The following MAP2K1 variants were observed in gnomAD, a reference collection of about 807,000 sequenced individuals.
The protein encoded by MAP2K1 is dual specificity mitogen-activated protein kinase kinase 1.
Under a neutral mutation model 46.3 loss-of-function variants are expected in MAP2K1, and 16 were observed. The ratio of observed to expected loss-of-function variants is 0.35; its 90% CI spans 0.23 to 0.52. The LOEUF (loss-of-function observed/expected upper bound fraction) is 0.52, where lower values mean the gene tolerates loss of function less well. Among genes scored for constraint, MAP2K1 ranks in the 20% least tolerant of loss-of-function variants. MAP2K1 has a pLI of 0.94. For synonymous variants in MAP2K1, 183 were observed against 185.6 expected, an observed-to-expected ratio of 0.99 and a Z score of 0.11; for missense variants, 263 against 497.1, an observed-to-expected ratio of 0.53 and a Z score of 4.48.
intron 3 of MAP2K1, among the ~76,000 whole-genome samples, chr15:66,437,349 G>A (rs903436909): frequency 9.9e-5 from 15 of 152,228 alleles, no homozygotes; most frequent in Admixed American, 5.2e-4. Context: ...GGGCAATGGA[G>A]AGAGAGGGCA....
At chr15:66,482,893 G>T (rs377084528) in intron 6 of MAP2K1, among the ~76,000 whole-genome samples, 1 of 152,144 alleles carries the variant, frequency 6.6e-6, no homozygotes, top group Admixed American at 6.5e-5. Flanking sequence ...GCAGGCCCGC[G>T]TGGAGAGGGG....
chr15:66,487,965 T>C (rs940875967), intron 8 of MAP2K1, among the ~76,000 whole-genome samples: 2 of 152,312 alleles, frequency 1.3e-5, no homozygotes, highest in African/African-American at 4.8e-5. Context: ...ATTGCTGAGG[T>C]AGGCCAAATT....
intron 1 of MAP2K1, among the ~76,000 whole-genome samples, chr15:66,430,422 T>C (rs1157707394): frequency 6.6e-6 from 1 of 152,194 alleles, no homozygotes; most frequent in East Asian, 1.9e-4. Context: ...AGAGCAAGGC[T>C]CAGATTGGGT....
At chr15:66,401,352 T>G (rs1281704863) in intron 1 of MAP2K1, among the ~76,000 whole-genome samples, 1 of 152,214 alleles carries the variant, frequency 6.6e-6, no homozygotes, top group African/African-American at 2.4e-5. Flanking sequence ...TTTCAACTGT[T>G]TCCTCAAGCC....
chr15:66,490,796 T>A lies in MAP2K1; in HGVS notation c.*181T>A. The A allele has an allele frequency of 1.5e-6, 1 of 685,582 alleles. No individual in the cohort carries two copies. Among genetic ancestry groups the A allele is most frequent in the Middle Eastern group, 2.4e-4 (1 of 4,224 alleles). The allele number at this position is 685,582 out of a possible 1,614,324, so 42.5% of individuals were successfully genotyped here. ...TTTAATATTACTGTCTTTATTCTTA[T>A]TACTATTATTGTTCCCCTAAGTGGA... is the stretch of plus-strand genomic sequence containing the variant. On this transcript the variant is annotated 3_prime_UTR_variant, in exon 11 of 11. Transcript: ENST00000307102.
intron 1 of MAP2K1, among the ~76,000 whole-genome samples, chr15:66,403,607 CAA>C (rs1419211765): frequency 6.6e-5 from 10 of 152,058 alleles, no homozygotes; most frequent in Non-Finnish European, 1.2e-4. Flanking sequence ...ACTTTTCAGA[CAA>C]AGTGGAAATT....
intron 1 of MAP2K1, among the ~76,000 whole-genome samples, chr15:66,426,348 T>C (rs1432515541): frequency 1.7e-5 from 2 of 114,696 alleles, no homozygotes; most frequent in Non-Finnish European, 3.5e-5. Flanking sequence ...CATGAAATAT[T>C]CATCAAGAAG....
At chr15:66,478,659 C>T (rs1892840089) in intron 5 of MAP2K1, among the ~76,000 whole-genome samples, 1 of 151,544 alleles carries the variant, frequency 6.6e-6, no homozygotes, top group Non-Finnish European at 1.5e-5. Flanking sequence ...GCTACCATGC[C>T]CAGCCAATTT....
chr15:66,481,034 G>C (rs1274294844), intron 5 of MAP2K1, among the ~76,000 whole-genome samples: 2 of 152,158 alleles, frequency 1.3e-5, no homozygotes, highest in Non-Finnish European at 2.9e-5. Context: ...GGTGGGATGG[G>C]GTGATAATAA....
At chr15:66,389,327 T>C (rs2093351337) in intron 1 of MAP2K1, among the ~76,000 whole-genome samples, 2 of 152,232 alleles carry the variant, frequency 1.3e-5, no homozygotes, top group Non-Finnish European at 2.9e-5. Flanking sequence ...CTCATTATCC[T>C]TTCCTATTTG....
At chr15:66,482,298 G>A (rs1595884986) in intron 6 of MAP2K1, among the ~76,000 whole-genome samples, 1 of 152,136 alleles carries the variant, frequency 6.6e-6, no homozygotes, top group Non-Finnish European at 1.5e-5. Context: ...GTTTCCCAAG[G>A]TAGAAACCTG....
intron 5 of MAP2K1, among the ~76,000 whole-genome samples, chr15:66,458,717 C>T (rs1892236092): frequency 6.6e-6 from 1 of 152,188 alleles, no homozygotes; most frequent in Non-Finnish European, 1.5e-5. Flanking sequence ...GATGCGGTCT[C>T]TCTCTGTTGC....
chr15:66,404,217 G>A (rs2093390141), intron 1 of MAP2K1, among the ~76,000 whole-genome samples: 1 of 152,186 alleles, frequency 6.6e-6, no homozygotes. Flanking sequence ...GTCAGGCATG[G>A]TGGCGTGTGT....
intron 1 of MAP2K1, among the ~76,000 whole-genome samples, chr15:66,420,968 CACACAT>C (rs1194982836): frequency 9.0e-4 from 21 of 23,376 alleles, no homozygotes; most frequent in East Asian, 0.062. Flanking sequence ...CATATATACA[CACACAT>C]ACATACACAC....
chr15:66,439,270 C>T (rs1202686196), intron 3 of MAP2K1, among the ~76,000 whole-genome samples: 1 of 152,198 alleles, frequency 6.6e-6, no homozygotes, highest in Non-Finnish European at 1.5e-5. Context: ...GGTCTTTGGT[C>T]CTCTCTCTGT....
chr15:66,490,275 G>A (rs1266251119), intron 10 of MAP2K1: 19 of 669,384 alleles, frequency 2.8e-5, no homozygotes, highest in African/African-American at 1.1e-4. Context: ...CATACTGCAC[G>A]AGTAGGCTCC....
chr15:66,448,604 A>C (rs1224392756), intron 5 of MAP2K1, among the ~76,000 whole-genome samples: 1 of 152,238 alleles, frequency 6.6e-6, no homozygotes, highest in Non-Finnish European at 1.5e-5. Context: ...TGTCCATGGC[A>C]GACTTGTAGT....
chr15:66,423,520 A>G (rs1595854455), intron 1 of MAP2K1, among the ~76,000 whole-genome samples: 2 of 146,418 alleles, frequency 1.4e-5, no homozygotes, highest in South Asian at 2.1e-4. Flanking sequence ...GTTCACTGCA[A>G]CCTCCCTCCC....
chr15:66,446,784 T>C (rs1229052296), intron 5 of MAP2K1: 4 of 281,454 alleles, frequency 1.4e-5, no homozygotes, highest in African/African-American at 6.7e-5. Context: ...TTCCACATAT[T>C]TCCTTTTAGA....
Sources: gnomAD v4.1 joint callset for allele counts (sites outside exome capture counted in the v4.1 genomes callset) on GRCh38, gnomAD v4.1.1 for gene constraint, MANE v1.5 for transcripts, NCBI Gene and HGNC (gene_info 2026-07-23, HGNC 2026-07-21) for gene names.